The following KCTD8 variants were observed in gnomAD, a reference collection of about 807,000 sequenced individuals.
KCTD8 encodes the protein BTB/POZ domain-containing protein KCTD8.
A neutral mutation model predicts 31.5 loss-of-function variants in KCTD8; 27 were observed. The observed-to-expected ratio is 0.86, with a 90% confidence interval of 0.63 to 1.18. KCTD8 has a LOEUF of 1.18. KCTD8 is among the 50% of genes most tolerant of loss of function. The pLI is 0.00. For synonymous variants in KCTD8, 290 were observed against 280.0 expected (o/e 1.04, Z -0.36); for missense variants, 658 against 647.7 (o/e 1.02, Z -0.17).
At position 44,226,095 on chromosome 4, in the gene KCTD8, T is replaced by C. The variant is rs182909901; in HGVS notation, c.962-50845A>G. On this transcript the variant is annotated intron_variant, in intron 1 of 1. Transcript: ENST00000360029. ...CGCCCACCTCGGCCTCCCAAAGTGTTGGGATTACAGGCGTGAGCCACTGCG... is the reference window on the plus strand; with the variant it reads ...CGCCCACCTCGGCCTCCCAAAGTGTCGGGATTACAGGCGTGAGCCACTGCG... Among the ~76,000 whole-genome samples, 377 of 152,288 alleles carry C rather than the reference T, an allele frequency of 2.5e-3. 1 individual carries two copies. Among genetic ancestry groups the C allele is most frequent in the African/African-American group, 8.3e-3 (346 of 41,576 alleles).
chr4:44,210,209 A>C (rs1273780602), intron 1 of KCTD8, among the ~76,000 whole-genome samples: 2 of 152,186 alleles, frequency 1.3e-5, no homozygotes, highest in Non-Finnish European at 2.9e-5. Context: ...GAAATGTTTG[A>C]GTGTCTTCAG....
chr4:44,424,797 G>A (rs1721305512), intron 1 of KCTD8, among the ~76,000 whole-genome samples: 1 of 151,954 alleles, frequency 6.6e-6, no homozygotes, highest in African/African-American at 2.4e-5. Context: ...AGGAACATTT[G>A]CTATAATAAC....
chr4:44,199,652 A>T (rs563031455), intron 1 of KCTD8, among the ~76,000 whole-genome samples: 1 of 152,244 alleles, frequency 6.6e-6, no homozygotes, highest in South Asian at 2.1e-4. Flanking sequence ...CAGCCAAAGC[A>T]ATGTTAAGAT....
At chr4:44,320,927 C>G (rs755923350) in intron 1 of KCTD8, among the ~76,000 whole-genome samples, 2 of 151,028 alleles carry the variant, frequency 1.3e-5, no homozygotes, top group Admixed American at 6.6e-5. Context: ...AAAAGGATAA[C>G]AAGATTTAAG....
intron 1 of KCTD8, among the ~76,000 whole-genome samples, chr4:44,180,960 T>G (rs1451634850): frequency 3.9e-5 from 6 of 152,202 alleles, no homozygotes; most frequent in Admixed American, 2.6e-4. Flanking sequence ...TTCAAAGAAT[T>G]TTAGGGGTCA....
At chr4:44,414,998 A>G (rs1721041015) in intron 1 of KCTD8, among the ~76,000 whole-genome samples, 1 of 152,204 alleles carries the variant, frequency 6.6e-6, no homozygotes, top group African/African-American at 2.4e-5. Context: ...GACTTGTTAA[A>G]TGCTTGTGAC....
At chr4:44,181,934 C>T (rs1485072319) in intron 1 of KCTD8, among the ~76,000 whole-genome samples, 5 of 140,994 alleles carry the variant, frequency 3.5e-5, no homozygotes, top group South Asian at 2.3e-4. Flanking sequence ...CCCCTCCACC[C>T]GGCAGCCGCC....
intron 1 of KCTD8, among the ~76,000 whole-genome samples, chr4:44,290,334 C>CA (rs779590336): frequency 1.2e-4 from 18 of 152,242 alleles, no homozygotes; most frequent in Non-Finnish European, 2.5e-4. Context: ...TCTTGACTCA[C>CA]AAAAACACAC....
At chr4:44,292,432 T>G (rs1034702753) in intron 1 of KCTD8, among the ~76,000 whole-genome samples, 1 of 151,942 alleles carries the variant, frequency 6.6e-6, no homozygotes, top group African/African-American at 2.4e-5. Context: ...TGACTACACA[T>G]GGACATAAAG....
At chr4:44,218,631 A>G (rs1714720171) in intron 1 of KCTD8, among the ~76,000 whole-genome samples, 1 of 140,174 alleles carries the variant, frequency 7.1e-6, no homozygotes. Flanking sequence ...AAATTAAAAA[A>G]TAAATAAAGA....
chr4:44,258,610 TAAAC>T (rs1560408145), intron 1 of KCTD8, among the ~76,000 whole-genome samples: 1 of 151,948 alleles, frequency 6.6e-6, no homozygotes, highest in East Asian at 1.9e-4. Context: ...TGCTTACTAT[TAAAC>T]ATCCTAAACT....
intron 1 of KCTD8, among the ~76,000 whole-genome samples, chr4:44,202,239 T>C (rs1459957856): frequency 6.6e-6 from 1 of 152,128 alleles, no homozygotes; most frequent in African/African-American, 2.4e-5. Flanking sequence ...TGGAGATCTC[T>C]CAAACTACTT....
intron 1 of KCTD8, among the ~76,000 whole-genome samples, chr4:44,188,849 T>G (rs1239084622): frequency 6.6e-6 from 1 of 152,132 alleles, no homozygotes; most frequent in Non-Finnish European, 1.5e-5. Flanking sequence ...CTCGAGATAG[T>G]GTAGCCCTGC....
intron 1 of KCTD8, among the ~76,000 whole-genome samples, chr4:44,407,012 C>T (rs928118158): frequency 2.4e-4 from 37 of 152,314 alleles, no homozygotes; most frequent in South Asian, 1.9e-3. Context: ...CACTTGAGTT[C>T]AAGTCTACCT....
chr4:44,301,853 C>T (rs1027092903), intron 1 of KCTD8, among the ~76,000 whole-genome samples: 1 of 152,164 alleles, frequency 6.6e-6, no homozygotes, highest in Non-Finnish European at 1.5e-5. Flanking sequence ...GGTTTTAGTT[C>T]TAACATTTAA....
intron 1 of KCTD8, among the ~76,000 whole-genome samples, chr4:44,208,657 T>G (rs1714389315): frequency 6.6e-6 from 1 of 152,204 alleles, no homozygotes; most frequent in Non-Finnish European, 1.5e-5. Context: ...CTACAGAGAC[T>G]GAAGTCCTAT....
At chr4:44,388,850 A>C (rs1466115029) in intron 1 of KCTD8, among the ~76,000 whole-genome samples, 1 of 151,828 alleles carries the variant, frequency 6.6e-6, no homozygotes, top group African/African-American at 2.4e-5. Flanking sequence ...ACCTGAACTT[A>C]AAATAAGAGT....
chr4:44,358,567 C>A (rs1012913055), intron 1 of KCTD8, among the ~76,000 whole-genome samples: 1 of 147,594 alleles, frequency 6.8e-6, no homozygotes, highest in African/African-American at 2.5e-5. Flanking sequence ...TGTTTCCTGA[C>A]TTTTTTTTTT....
At chr4:44,196,366 TG>T (rs1307479065) in intron 1 of KCTD8, among the ~76,000 whole-genome samples, 1 of 152,202 alleles carries the variant, frequency 6.6e-6, no homozygotes, top group Non-Finnish European at 1.5e-5. Flanking sequence ...TTTACTTTTC[TG>T]GTAAGACACG....
Sources: allele counts gnomAD v4.1 joint callset (sites outside exome capture counted in the v4.1 genomes callset), GRCh38; gene constraint gnomAD v4.1.1; transcripts MANE v1.5; gene names NCBI Gene and HGNC (gene_info 2026-07-23, HGNC 2026-07-21).